The following RIMS1 variants were observed in gnomAD, a reference collection of about 807,000 sequenced individuals.
The protein encoded by RIMS1 is regulating synaptic membrane exocytosis 1.
RIMS1 carries 83 observed loss-of-function variants against 214.1 expected under a neutral mutation model. That is an observed-to-expected ratio of 0.39 (90% CI 0.32 to 0.47). The LOEUF is 0.47. Among genes scored for constraint, RIMS1 ranks in the 20% least tolerant of loss-of-function variants. The probability of loss-of-function intolerance (pLI) is 0.99; values close to 1 mark genes in which losing one functional copy is unlikely to be tolerated. For missense variants in RIMS1, 2,050 were observed against 2,161.8 expected, an observed-to-expected ratio of 0.95 and a Z score of 1.03; for synonymous variants, 793 against 786.8, an observed-to-expected ratio of 1.01 and a Z score of -0.13.
At chr6:72,200,718 TGGGG>T (rs2051806450) in intron 6 of RIMS1, among the ~76,000 whole-genome samples, 1 of 152,140 alleles carries the variant, frequency 6.6e-6, no homozygotes, top group South Asian at 2.1e-4. Flanking sequence ...ACATATGACT[TGGGG>T]CATTAGATGC....
At chr6:72,110,123 AG>A (rs1427004698) in intron 4 of RIMS1, among the ~76,000 whole-genome samples, 2 of 152,212 alleles carry the variant, frequency 1.3e-5, no homozygotes, top group African/African-American at 4.8e-5. Context: ...TATAGTTTGA[AG>A]TCAGGTAGCA....
Position 72,242,310 on chromosome 6 carries a change from C to T in RIMS1, c.1958-4C>T, listed in dbSNP as rs2067308616. The T allele has an allele frequency of 6.5e-7, 1 of 1,543,126 alleles. No homozygotes were observed. On this transcript the variant is annotated splice_region_variant and splice_polypyrimidine_tract_variant and intron_variant, in intron 9 of 33. Transcript: ENST00000521978. ...AAAAAAATACCCTTTTTTTTAAATT[C>T]AAGGGGATGAAGTTCTAGAATGGAA... is the stretch of plus-strand genomic sequence containing the variant.
intron 2 of RIMS1, among the ~76,000 whole-genome samples, chr6:72,023,993 G>A (rs1815557418): frequency 6.6e-6 from 1 of 152,106 alleles, no homozygotes; most frequent in South Asian, 2.1e-4. Flanking sequence ...GGAGAAGACT[G>A]TGTCTTAATG....
chr6:72,064,633 A>G (rs1828818788), intron 2 of RIMS1, among the ~76,000 whole-genome samples: 1 of 152,210 alleles, frequency 6.6e-6, no homozygotes. Context: ...ATTTAACCTC[A>G]CTGGACTTCA....
At chr6:71,940,689 A>C (rs763558775) in intron 1 of RIMS1, among the ~76,000 whole-genome samples, 5 of 152,202 alleles carry the variant, frequency 3.3e-5, no homozygotes, top group Admixed American at 6.5e-5. Flanking sequence ...CTCATGGAAA[A>C]GTAATGGAAG....
intron 4 of RIMS1, among the ~76,000 whole-genome samples, chr6:72,130,954 G>T (rs2040341221): frequency 6.6e-6 from 1 of 152,108 alleles, no homozygotes; most frequent in African/African-American, 2.4e-5. Flanking sequence ...TTATTTCAAA[G>T]AAATTCAACA....
At chr6:72,150,092 G>T (rs1026873650) in intron 4 of RIMS1, among the ~76,000 whole-genome samples, 5 of 152,074 alleles carry the variant, frequency 3.3e-5, no homozygotes, top group Admixed American at 1.3e-4. Flanking sequence ...GGATGTGAGG[G>T]TGGTCCCCCA....
At chr6:72,361,537 A>G (rs891119028) in intron 29 of RIMS1, among the ~76,000 whole-genome samples, 1 of 152,210 alleles carries the variant, frequency 6.6e-6, no homozygotes, top group African/African-American at 2.4e-5. Flanking sequence ...TATTTCAACA[A>G]CACAGTCAAG....
chr6:72,252,679 T>G, intron 15 of RIMS1, 82 bp from the exon 16 acceptor site: 1 of 1,146,108 alleles, frequency 8.7e-7, no homozygotes, highest in South Asian at 1.3e-5. Context: ...CAATTCACTT[T>G]TTAAAAAAAG....
At chr6:72,393,361 A>G (rs1353727241) in intron 31 of RIMS1, among the ~76,000 whole-genome samples, 2 of 152,198 alleles carry the variant, frequency 1.3e-5, no homozygotes, top group Non-Finnish European at 2.9e-5. Flanking sequence ...GAATTTCACA[A>G]TACTGAGGCT....
Position 72,237,864 on chromosome 6 carries a change from T to C in RIMS1, c.1899T>C (p.Ala633=). ...GKMTDLGRLG[A]FITKVKKGSL... ...TGACTGACTTAGGACGACTTGGTGC[T>C]TTCATCACCAAAGTAAAGAAGGGTA... Residue 633 remains alanine (A), a synonymous_variant, in exon 9 of 34, where the codon GCT becomes GCC. Transcript: ENST00000521978. 1 of 1,613,558 alleles carries C rather than the reference T, an allele frequency of 6.2e-7. No individual in the cohort carries two copies. Among genetic ancestry groups the C allele is most frequent in the South Asian group, 1.1e-5 (1 of 91,046 alleles).
intron 6 of RIMS1, chr6:72,217,090 T>G: frequency 1.3e-6 from 2 of 1,509,530 alleles, no homozygotes; most frequent in Non-Finnish European, 1.8e-6. Context: ...TGTATTTTGG[T>G]GGATTTTTTA....
intron 2 of RIMS1, among the ~76,000 whole-genome samples, chr6:72,084,899 A>T (rs549904701): frequency 5.3e-5 from 8 of 152,246 alleles, no homozygotes; most frequent in Non-Finnish European, 7.4e-5. Context: ...AACAATAGAA[A>T]AATATACAAA....
chr6:72,071,356 C>G (rs1830541244), intron 2 of RIMS1, among the ~76,000 whole-genome samples: 1 of 152,100 alleles, frequency 6.6e-6, no homozygotes, highest in Non-Finnish European at 1.5e-5. Flanking sequence ...GCCCTGATTA[C>G]AGGCACCACT....
intron 1 of RIMS1, among the ~76,000 whole-genome samples, chr6:71,938,246 C>G (rs941919418): frequency 3.9e-5 from 6 of 152,124 alleles, no homozygotes; most frequent in Non-Finnish European, 7.4e-5. Flanking sequence ...TGCAGTCTTC[C>G]CATGCTAGAG....
chr6:72,351,083 A>C (rs2097429975), intron 29 of RIMS1, among the ~76,000 whole-genome samples: 1 of 152,120 alleles, frequency 6.6e-6, no homozygotes, highest in Non-Finnish European at 1.5e-5. Flanking sequence ...TTTCATATTT[A>C]TATACATGGT....
intron 4 of RIMS1, among the ~76,000 whole-genome samples, chr6:72,139,042 CTG>C (rs757057133): frequency 1.5e-4 from 23 of 152,062 alleles, no homozygotes; most frequent in Non-Finnish European, 2.8e-4. Context: ...ATGCATATAA[CTG>C]TTTATATGTA....
At chr6:72,391,662 C>G (rs1468420809) in intron 30 of RIMS1, among the ~76,000 whole-genome samples, 3 of 152,132 alleles carry the variant, frequency 2.0e-5, no homozygotes, top group African/African-American at 4.8e-5. Flanking sequence ...GATATTCCTT[C>G]CCATTCCTGA....
intron 2 of RIMS1, among the ~76,000 whole-genome samples, chr6:72,012,599 C>T (rs1811170944): frequency 6.6e-6 from 1 of 151,962 alleles, no homozygotes; most frequent in African/African-American, 2.4e-5. Context: ...TGTTTTGAGG[C>T]ATAGAAGAGA....
Sources: gnomAD v4.1 joint callset for allele counts (sites outside exome capture counted in the v4.1 genomes callset) on GRCh38, gnomAD v4.1.1 for gene constraint, MANE v1.5 for transcripts, NCBI Gene and HGNC (gene_info 2026-07-23, HGNC 2026-07-21) for gene names.